The following PHLDB2 variants were observed in gnomAD, a reference collection of about 807,000 sequenced individuals.
PHLDB2 encodes pleckstrin homology-like domain family B member 2.
A neutral mutation model predicts 123.6 loss-of-function variants in PHLDB2; 71 were observed. The observed-to-expected ratio is 0.57, with a 90% CI of 0.47 to 0.70. The LOEUF (loss-of-function observed/expected upper bound fraction) is 0.70. PHLDB2 is among the 30% of genes least tolerant of loss of function. The pLI, the probability that PHLDB2 is intolerant of heterozygous loss-of-function variation, is 0.00. For missense variants in PHLDB2, 1,446 were observed against 1,519.5 expected (o/e 0.95, Z 0.80); for synonymous variants, 547 against 541.6 (o/e 1.01, Z -0.14).
intron 1 of PHLDB2, among the ~76,000 whole-genome samples, chr3:111,806,449 T>G (rs1214282262): frequency 6.6e-6 from 1 of 152,178 alleles, no homozygotes; most frequent in African/African-American, 2.4e-5. Context: ...CTGGCTTCTT[T>G]CTTGCCTTCT....
intron 7 of PHLDB2, among the ~76,000 whole-genome samples, chr3:111,939,924 G>GGTTCAGA (rs1559913315): frequency 6.6e-6 from 1 of 152,112 alleles, no homozygotes; most frequent in African/African-American, 2.4e-5. Flanking sequence ...ATAGTAACTG[G>GGTTCAGA]GTTCAGAATA....
intron 1 of PHLDB2, among the ~76,000 whole-genome samples, chr3:111,821,325 G>T (rs540532437): frequency 4.6e-5 from 7 of 152,310 alleles, no homozygotes; most frequent in East Asian, 1.9e-4. Flanking sequence ...ATTAGTCAAG[G>T]TTCCCCAGAG....
intron 2 of PHLDB2, among the ~76,000 whole-genome samples, chr3:111,902,915 G>A (rs1349084344): frequency 2.6e-5 from 4 of 152,118 alleles, no homozygotes; most frequent in African/African-American, 4.8e-5. Flanking sequence ...TGGGATTATC[G>A]GTGTGAGCCA....
intron 1 of PHLDB2, among the ~76,000 whole-genome samples, chr3:111,737,405 A>G (rs2059528021): frequency 6.6e-6 from 1 of 152,130 alleles, no homozygotes; most frequent in African/African-American, 2.4e-5. Flanking sequence ...AGGAGAACCC[A>G]TAGTTTTGGG....
At position 111,868,516 on chromosome 3, in the gene PHLDB2, A is replaced by G. The variant is rs917186633; in HGVS notation, c.-15+8940A>G. ...CCTGGGGACTTTCCCATATTTTAGA[A>G]TTAGGTAATTGCATTTCTGTCTTTT... On this transcript the variant is annotated intron_variant, in intron 1 of 17. Coordinates refer to ENST00000431670, the MANE Select transcript of PHLDB2 (RefSeq NM_001134438.2). 3.0e-4 allele frequency among the ~76,000 whole-genome samples: 45 copies of G among 151,786 alleles called. 1 individual carries two copies. Among genetic ancestry groups the G allele is most frequent in the Admixed American group, 2.4e-3 (36 of 15,262 alleles).
rs545170397 is a variant in PHLDB2, at chr3:111,853,628, C to A, written c.67+7693C>A. Among the ~76,000 whole-genome samples, 3 of 152,274 alleles carry A rather than the reference C, an allele frequency of 2.0e-5. No homozygotes were observed. In the East Asian group the frequency reaches 5.8e-4, roughly 29 times the overall value. On this transcript the variant is annotated intron_variant, in intron 2 of 17. Transcript: ENST00000393923. ...CGGTGGCTCACACCTGTAATCCCAG[C>A]ACTTTGGAAGGCCGAGGTGGGTGGA...
chr3:111,774,254 A>T (rs1026874438), intron 1 of PHLDB2, among the ~76,000 whole-genome samples: 2 of 152,144 alleles, frequency 1.3e-5, no homozygotes, highest in African/African-American at 4.8e-5. Context: ...TATCTGGGTG[A>T]TGGATGTGCT....
chr3:111,759,451 T>A (rs2059957005), intron 1 of PHLDB2, among the ~76,000 whole-genome samples: 1 of 152,224 alleles, frequency 6.6e-6, no homozygotes, highest in African/African-American at 2.4e-5. Flanking sequence ...GGTTTCAATT[T>A]ATGAATTTTG....
chr3:111,892,016 T>C (rs1404974330), intron 2 of PHLDB2, among the ~76,000 whole-genome samples: 3 of 152,226 alleles, frequency 2.0e-5, no homozygotes, highest in African/African-American at 7.2e-5. Context: ...TGACTGGTGA[T>C]AGTCGTCTGT....
intron 10 of PHLDB2, among the ~76,000 whole-genome samples, chr3:111,951,832 T>TAA (rs879382057): frequency 6.6e-5 from 10 of 152,140 alleles, no homozygotes; most frequent in Non-Finnish European, 1.3e-4. Flanking sequence ...CTAGTGGTGA[T>TAA]TTCTGAGATT....
intron 1 of PHLDB2, among the ~76,000 whole-genome samples, chr3:111,753,959 T>C (rs2059833127): frequency 6.6e-6 from 1 of 152,222 alleles, no homozygotes; most frequent in Admixed American, 6.5e-5. Flanking sequence ...CAGATAGTTA[T>C]AGATATGCAG....
At chr3:111,956,641 G>A (rs767018426) in intron 12 of PHLDB2, among the ~76,000 whole-genome samples, 4 of 152,112 alleles carry the variant, frequency 2.6e-5, no homozygotes, top group Non-Finnish European at 4.4e-5. Flanking sequence ...CATTATATGC[G>A]TGTTGGTCCA....
chr3:111,939,634 C>G lies in PHLDB2; in HGVS notation c.2286+4C>G, dbSNP rs368524114. The G allele has an allele frequency of 7.2e-5, 115 of 1,606,850 alleles. No individual in the cohort carries two copies. In the African/African-American group the frequency reaches 1.4e-3, roughly 19 times the overall value. On this transcript the variant is annotated splice_donor_region_variant and intron_variant, in intron 7 of 17. Coordinates refer to ENST00000431670, the MANE Select transcript of PHLDB2 (RefSeq NM_001134438.2). The stretch of plus-strand genomic sequence containing the variant: ...ACGGAACATCGTTTCTAGAAAGGTA[C>G]TTTTTCCAGGTGTCATTCAATGTGA...
At chr3:111,779,889 G>A (rs1320533718) in intron 1 of PHLDB2, 3 of 981,212 alleles carry the variant, frequency 3.1e-6, no homozygotes, top group Non-Finnish European at 3.6e-6. Flanking sequence ...ATCAGCCATG[G>A]CCAATGAAGG....
chr3:111,863,934 A>T (rs1235012192), intron 1 of PHLDB2, among the ~76,000 whole-genome samples: 1 of 152,158 alleles, frequency 6.6e-6, no homozygotes, highest in African/African-American at 2.4e-5. Flanking sequence ...ATGATTATAG[A>T]TTCTAGTTCT....
At chr3:111,834,760 A>G (rs1483030539) in intron 1 of PHLDB2, among the ~76,000 whole-genome samples, 1 of 152,026 alleles carries the variant, frequency 6.6e-6, no homozygotes, top group Non-Finnish European at 1.5e-5. Context: ...GTAGACTCAA[A>G]CCCAGCCAAT....
rs1288994670 is a variant in PHLDB2 at position 111,809,797 on chromosome 3, A to T, written c.-48-36024A>T. On this transcript the variant is annotated intron_variant, in intron 1 of 17. Transcript: ENST00000393923. Reference sequence around the variant, plus strand: ...CAGTCACTTGTAAAGGTTTGAAGACAATAGTCATGATGTAATAAAAGAGTA... The same window carrying T: ...CAGTCACTTGTAAAGGTTTGAAGACTATAGTCATGATGTAATAAAAGAGTA... Among the ~76,000 whole-genome samples the T allele has an allele frequency of 2.0e-5, 3 of 152,220 alleles. No homozygotes were observed. The East Asian group carries it at 5.8e-4, about 29-fold the overall frequency.
intron 1 of PHLDB2, among the ~76,000 whole-genome samples, chr3:111,830,006 A>G (rs936589960): frequency 1.4e-5 from 2 of 138,362 alleles, no homozygotes; most frequent in African/African-American, 3.1e-5. Flanking sequence ...ATTTAGATTC[A>G]GAGTCTACTC....
intron 16 of PHLDB2, among the ~76,000 whole-genome samples, chr3:111,970,267 G>A (rs530610339): frequency 6.6e-6 from 1 of 151,890 alleles, no homozygotes; most frequent in South Asian, 2.1e-4. Flanking sequence ...GTAACAAATT[G>A]TTTATGTTCA....
Sources: allele counts gnomAD v4.1 joint callset (sites outside exome capture counted in the v4.1 genomes callset), GRCh38; gene constraint gnomAD v4.1.1; transcripts MANE v1.5; gene names NCBI Gene and HGNC (gene_info 2026-07-23, HGNC 2026-07-21).